Variants in FER1L6 observed in about 807,000 individuals in gnomAD.
FER1L6 encodes the protein fer-1-like protein 6.
FER1L6 carries 177 observed loss-of-function variants against 219.2 expected under a neutral mutation model. The ratio of observed to expected loss-of-function variants is 0.81; its 90% CI spans 0.71 to 0.91. The LOEUF (loss-of-function observed/expected upper bound fraction) is 0.91. FER1L6 is among the 40% of genes least tolerant of loss of function. The pLI, the probability that FER1L6 is intolerant of heterozygous loss-of-function variation, is 0.00. For synonymous variants in FER1L6, 768 were observed against 824.3 expected, an observed-to-expected ratio of 0.93 and a Z score of 1.17; for missense variants, 2,153 against 2,259.9, an observed-to-expected ratio of 0.95 and a Z score of 0.96.
At chr8:123,943,841 G>A (rs567903125) in intron 1 of FER1L6, among the ~76,000 whole-genome samples, 1 of 152,212 alleles carries the variant, frequency 6.6e-6, no homozygotes, top group African/African-American at 2.4e-5. Context: ...GGCTGGGCTT[G>A]GGTGTCAGAC....
intron 12 of FER1L6, among the ~76,000 whole-genome samples, chr8:123,992,090 A>T (rs1281061894): frequency 6.6e-6 from 1 of 151,728 alleles, no homozygotes; most frequent in Non-Finnish European, 1.5e-5. Flanking sequence ...GTGCTGTTGG[A>T]TTTGGTTTGC....
At chr8:124,026,260 G>T (rs1818703295) in intron 18 of FER1L6, among the ~76,000 whole-genome samples, 1 of 152,188 alleles carries the variant, frequency 6.6e-6, no homozygotes, top group Admixed American at 6.5e-5. Context: ...ACCAGCAACT[G>T]ACTAGAGTAC....
chr8:124,064,411 A>G lies in FER1L6; in HGVS notation c.3393A>G (p.Pro1131=). Residue 1131 remains proline, a synonymous_variant, in exon 26 of 41, where the codon CCA becomes CCG. Coordinates refer to ENST00000522917, the MANE Select transcript of FER1L6 (RefSeq NM_001039112.2). The part of the protein sequence containing the change: ...SGAHSSSQDP[P]ADHIYVDVEP... ...CCCACAGCTCCTCCCAGGATCCCCC[A>G]GCAGATCACATTTATGTGGATGTTG... is the stretch of plus-strand genomic sequence containing the variant. 1.2e-6 allele frequency: 2 copies of G among 1,613,664 alleles called. No individual in the cohort carries two copies. Among genetic ancestry groups the G allele is most frequent in the Non-Finnish European group, 1.7e-6 (2 of 1,179,850 alleles).
At chr8:124,083,616 A>AG (rs946684196) in intron 33 of FER1L6, among the ~76,000 whole-genome samples, 38 of 152,128 alleles carry the variant, frequency 2.5e-4, no homozygotes, top group African/African-American at 8.9e-4. Flanking sequence ...GACAAGAAAA[A>AG]AAAAAGATTT....
intron 1 of FER1L6, among the ~76,000 whole-genome samples, chr8:123,946,674 G>A (rs1349320792): frequency 6.6e-6 from 1 of 152,190 alleles, no homozygotes; most frequent in Non-Finnish European, 1.5e-5. Flanking sequence ...GAGAGGAGGA[G>A]TGGTGGCCAC....
chr8:123,970,142 A>C (rs1319571851), intron 6 of FER1L6, 45 bp downstream of exon 6: 2 of 1,556,408 alleles, frequency 1.3e-6, no homozygotes, highest in Admixed American at 3.3e-5. Flanking sequence ...GGTGGGAGAC[A>C]TTTTGGGCAT....
chr8:123,907,927 G>A (rs1350563901), intron 1 of FER1L6, among the ~76,000 whole-genome samples: 5 of 151,894 alleles, frequency 3.3e-5, no homozygotes, highest in Admixed American at 2.6e-4. Context: ...ATATGGTAGC[G>A]AAAATTTGCT....
chr8:124,000,379 T>C (rs1020718502), intron 12 of FER1L6, among the ~76,000 whole-genome samples: 5 of 152,212 alleles, frequency 3.3e-5, no homozygotes, highest in Non-Finnish European at 7.3e-5. Flanking sequence ...CTTATGAAGG[T>C]GCTTATTTTG....
chr8:123,869,583 G>A (rs912498345), intron 1 of FER1L6, among the ~76,000 whole-genome samples: 3 of 152,020 alleles, frequency 2.0e-5, no homozygotes, highest in African/African-American at 7.3e-5. Flanking sequence ...TTTATGAATC[G>A]GACAACTCAA....
intron 22 of FER1L6, among the ~76,000 whole-genome samples, chr8:124,050,811 C>T (rs1819984211): frequency 6.6e-6 from 1 of 151,902 alleles, no homozygotes; most frequent in Admixed American, 6.6e-5. Context: ...GCGTTTTGCC[C>T]TCATGACCTC....
At position 123,977,941 on chromosome 8, in the gene FER1L6, C is replaced by A. The variant is rs566644385; in HGVS notation, c.1063+332C>A. 5.3e-5 allele frequency among the ~76,000 whole-genome samples: 8 copies of A among 152,314 alleles called. 1 individual carries two copies. The South Asian group carries it at 1.7e-3, about 32-fold the overall frequency. On this transcript the variant is annotated intron_variant, in intron 10 of 40. Transcript: ENST00000522917. The stretch of plus-strand genomic sequence containing the variant: ...CTAGGTGGTAATACTCACTTGCCTG[C>A]TGCTCATCTCTTGCGGCCCAGTTCC...
At chr8:123,975,079 T>A in intron 7 of FER1L6, 71 bp from the exon 8 acceptor site, 1 of 1,383,426 alleles carries the variant, frequency 7.2e-7, no homozygotes, top group South Asian at 1.7e-5. Flanking sequence ...GGCCTTGGCG[T>A]GTGGGAGAGA....
intron 18 of FER1L6, among the ~76,000 whole-genome samples, chr8:124,030,621 C>T (rs1818917111): frequency 6.6e-6 from 1 of 152,138 alleles, no homozygotes. Flanking sequence ...GTCCACTCCT[C>T]ACTCCCATCG....
intron 1 of FER1L6, among the ~76,000 whole-genome samples, chr8:123,917,574 A>G (rs1259106747): frequency 1.3e-5 from 2 of 152,224 alleles, no homozygotes; most frequent in Admixed American, 6.5e-5. Flanking sequence ...CAAAGAAAAA[A>G]CATAGCTCTA....
intron 32 of FER1L6, among the ~76,000 whole-genome samples, chr8:124,080,343 G>A (rs1337905959): frequency 1.3e-5 from 2 of 151,970 alleles, no homozygotes; most frequent in Admixed American, 6.6e-5. Context: ...TCAAGATGGA[G>A]TTTTGCTCTT....
chr8:124,074,650 T>TAAAA (rs58971221), intron 31 of FER1L6, among the ~76,000 whole-genome samples: 5 of 114,354 alleles, frequency 4.4e-5, no homozygotes, highest in African/African-American at 1.6e-4. Context: ...AGATACTGTC[T>TAAAA]AAAAAAAAAA....
intron 39 of FER1L6, among the ~76,000 whole-genome samples, chr8:124,107,156 G>T (rs572855024): frequency 6.6e-6 from 1 of 151,882 alleles, no homozygotes; most frequent in East Asian, 1.9e-4. Context: ...CACCATGTTA[G>T]CCAGGATGGT....
At chr8:123,992,350 A>T (rs1186025403) in intron 12 of FER1L6, among the ~76,000 whole-genome samples, 3 of 151,964 alleles carry the variant, frequency 2.0e-5, no homozygotes, top group Non-Finnish European at 4.4e-5. Flanking sequence ...TGTTGTTGGC[A>T]ATTTTTTTTA....
intron 33 of FER1L6, among the ~76,000 whole-genome samples, chr8:124,090,007 T>C (rs966431463): frequency 3.9e-5 from 6 of 152,238 alleles, no homozygotes; most frequent in African/African-American, 1.4e-4. Context: ...ATTGTTGCTA[T>C]GAATATTCTC....
Sources: gnomAD v4.1 joint callset for allele counts (sites outside exome capture counted in the v4.1 genomes callset) on GRCh38, gnomAD v4.1.1 for gene constraint, MANE v1.5 for transcripts, NCBI Gene and HGNC (gene_info 2026-07-23, HGNC 2026-07-21) for gene names.